Variants in CCDC144A observed in about 807,000 individuals in gnomAD.
CCDC144A encodes the protein coiled-coil domain containing 144A, also known as coiled-coil domain-containing protein 144A.
A neutral mutation model predicts 143.8 loss-of-function variants in CCDC144A; 41 were observed. The ratio of observed to expected loss-of-function variants is 0.29; its 90% CI spans 0.22 to 0.37. CCDC144A has a LOEUF of 0.37. Among genes scored for constraint, CCDC144A ranks in the 10% least tolerant of loss-of-function variants. The pLI, the probability that CCDC144A is intolerant of heterozygous loss-of-function variation, is 1.00. For missense variants in CCDC144A, 637 were observed against 1,488.8 expected (o/e 0.43, Z 9.41); for synonymous variants, 242 against 517.9 (o/e 0.47, Z 7.23).
At chr17:16,743,501 T>C (rs1914351281) in intron 12 of CCDC144A, among the ~76,000 whole-genome samples, 1 of 152,042 alleles carries the variant, frequency 6.6e-6, no homozygotes, top group African/African-American at 2.4e-5. Context: ...CCTTGTAATA[T>C]ATTTTGAAGT....
intron 8 of CCDC144A, among the ~76,000 whole-genome samples, chr17:16,722,855 C>G (rs1304113745): frequency 6.6e-6 from 1 of 152,076 alleles, no homozygotes; most frequent in East Asian, 1.9e-4. Context: ...GGCATGATAG[C>G]TCATTATCGC....
intron 11 of CCDC144A, among the ~76,000 whole-genome samples, 171 bp from the exon 12 acceptor site, chr17:16,734,519 T>G (rs1432722656): frequency 6.6e-6 from 1 of 152,218 alleles, no homozygotes; most frequent in East Asian, 1.9e-4. Flanking sequence ...AATAAACTTA[T>G]GAAGTTTTGG....
intron 15 of CCDC144A, among the ~76,000 whole-genome samples, chr17:16,769,385 T>C (rs1915735543): frequency 6.6e-6 from 1 of 152,264 alleles, no homozygotes; most frequent in Admixed American, 6.5e-5. Context: ...ATTTAAGTGA[T>C]AATTGAAATT....
chr17:16,766,299 T>TG (rs2085938672), intron 15 of CCDC144A: 1 of 152,230 alleles, frequency 6.6e-6, no homozygotes, highest in Non-Finnish European at 1.5e-5. Context: ...TTGAATAGAA[T>TG]GGGAGGCAGG....
rs1391658638 is a variant in CCDC144A, at chr17:16,775,336, A to G, written c.*1703A>G. ...TAATTTACACTCCTATCAACAGTGT[A>G]AAAGCATTCCTGTTTCTCCATAATC... On this transcript the variant is annotated 3_prime_UTR_variant, in exon 17 of 17. Coordinates refer to ENST00000399273, the MANE Select transcript of CCDC144A (RefSeq NM_001382000.1). 1.3e-5 allele frequency: 2 copies of G among 152,062 alleles called. No individual in the cohort carries two copies. The highest frequency in any genetic ancestry group is 6.6e-5 in the Admixed American group (1 of 15,258). 9.4% of individuals were successfully genotyped at this position (152,062 alleles called of 1,614,324 possible).
the CCDC144A span, among the ~76,000 whole-genome samples, chr17:16,682,902 T>TG: frequency 8.4e-6 from 1 of 119,648 alleles, no homozygotes; most frequent in African/African-American, 3.4e-5. Flanking sequence ...TTTTTTTTTT[T>TG]TTTTTTTTTT....
intron 5 of CCDC144A, among the ~76,000 whole-genome samples, chr17:16,710,716 T>C (rs1912355313): frequency 1.3e-5 from 2 of 152,074 alleles, no homozygotes; most frequent in African/African-American, 4.8e-5. Flanking sequence ...GAAAGCTGAG[T>C]CCTCTACATT....
intron 12 of CCDC144A, among the ~76,000 whole-genome samples, chr17:16,754,221 A>G (rs1914963001): frequency 1.3e-5 from 2 of 152,054 alleles, no homozygotes; most frequent in Non-Finnish European, 2.9e-5. Context: ...TGTTTAATGT[A>G]GTTTGCAGTT....
chr17:16,746,895 C>T, intron 12 of CCDC144A: 1 of 625,478 alleles, frequency 1.6e-6, no homozygotes, highest in South Asian at 1.9e-5. Context: ...CCCTCCCCTC[C>T]CTCCCCTCCC....
intron 8 of CCDC144A, among the ~76,000 whole-genome samples, chr17:16,724,509 CAAAA>C (rs1194753881): frequency 3.0e-5 from 2 of 65,916 alleles, no homozygotes. Flanking sequence ...GACTCCGTCT[CAAAA>C]AAAAAAAAAA....
At chr17:16,681,656 C>T in the CCDC144A span, among the ~76,000 whole-genome samples, 2 of 151,968 alleles carry the variant, frequency 1.3e-5, no homozygotes, top group East Asian at 1.9e-4. Flanking sequence ...GTTGGGAGTT[C>T]GAGACCAGTC....
chr17:16,711,145 A>AAAAAAAAAAAAAAAAAAAAAAAC, intron 5 of CCDC144A, among the ~76,000 whole-genome samples: 1 of 133,498 alleles, frequency 7.5e-6, no homozygotes. Flanking sequence ...TGAAAAAAAA[A>AAAAAAAAAAAAAAAAAAAAAAAC]AAAAAAAAAA....
the CCDC144A span, chr17:16,683,455 C>T: frequency 6.3e-5 from 80 of 1,271,076 alleles, no homozygotes; most frequent in African/African-American, 9.8e-4. Context: ...GCTTCTGTCC[C>T]TGGCGGCAGA....
rs1915922940 is a variant in CCDC144A at position 16,774,043 on chromosome 17, T to C, written c.*410T>C. ...ATGTTTGGATGTATTACGATTGTTATAGTGCAATCAAACTTAGATAATTTT... is the reference window on the plus strand; with the variant it reads ...ATGTTTGGATGTATTACGATTGTTACAGTGCAATCAAACTTAGATAATTTT... On this transcript the variant is annotated 3_prime_UTR_variant, in exon 17 of 17. Coordinates refer to ENST00000399273, the MANE Select transcript of CCDC144A (RefSeq NM_001382000.1). 6.1e-6 allele frequency: 1 copy of C among 163,068 alleles called. No homozygotes were observed. Among genetic ancestry groups the C allele is most frequent in the South Asian group, 2.1e-4 (1 of 4,710 alleles). The allele number at this position is 163,068 out of a possible 1,614,324, so 10.1% of individuals were successfully genotyped here. A position where few individuals can be genotyped will look rare whatever the true frequency, so the allele number is the denominator to read the frequency against.
chr17:16,670,475 C>T, the CCDC144A span, among the ~76,000 whole-genome samples: 2 of 150,244 alleles, frequency 1.3e-5, no homozygotes, highest in Non-Finnish European at 3.0e-5. Flanking sequence ...ATTTTATTAT[C>T]TTTAAAATGA....
the CCDC144A span, among the ~76,000 whole-genome samples, chr17:16,672,213 C>A: frequency 6.6e-6 from 1 of 152,100 alleles, no homozygotes. Context: ...TTACTGGTAT[C>A]CCTGATGTGT....
chr17:16,690,686 G>A lies in CCDC144A; in HGVS notation c.286G>A (p.Val96Met), dbSNP rs1911008365. 5 of 1,613,744 alleles carry A rather than the reference G, an allele frequency of 3.1e-6. No homozygotes were observed. In the Admixed American group the frequency reaches 5.0e-5, roughly 16 times the overall value. The change falls in exon 1 of 17, where the codon GTG becomes ATG. Residue 96 changes from valine to methionine, a missense_variant. By Grantham distance (21) the Val-to-Met change is conservative. Transcript: ENST00000399273. Reference protein sequence around the residue: ...RAARSGDVPGVEHILAPGDTG... With the variant: ...RAARSGDVPGMEHILAPGDTG... ...TGCCCGGTCGGGCGACGTCCCTGGG[G>A]TGGAGCACATCTTAGCTCCTGGAGA...
intron 1 of CCDC144A, among the ~76,000 whole-genome samples, chr17:16,691,359 T>C (rs1334767567): frequency 6.6e-6 from 1 of 152,186 alleles, no homozygotes; most frequent in Non-Finnish European, 1.5e-5. Flanking sequence ...ATATTATCCT[T>C]TCCCAGATTT....
Position 16,776,880 on chromosome 17 carries a change from G to A in CCDC144A, c.*3247G>A, listed in dbSNP as rs1285315753. 2.0e-5 allele frequency: 3 copies of A among 151,610 alleles called. No homozygotes were observed. Among genetic ancestry groups the A allele is most frequent in the African/African-American group, 7.3e-5 (3 of 41,170 alleles). 9.4% of individuals were successfully genotyped at this position (151,610 alleles called of 1,614,324 possible). On this transcript the variant is annotated 3_prime_UTR_variant, in exon 17 of 17. Coordinates refer to ENST00000399273, the MANE Select transcript of CCDC144A (RefSeq NM_001382000.1). ...CTCAATGCTAATGTTGAACGTAAAT[G>A]GCCTAAATGCTCCACTTAAAAGATA...
Sources: gnomAD v4.1 joint callset for allele counts (sites outside exome capture counted in the v4.1 genomes callset) on GRCh38, gnomAD v4.1.1 for gene constraint, MANE v1.5 for transcripts, NCBI Gene and HGNC (gene_info 2026-07-23, HGNC 2026-07-21) for gene names.